Variants in CENPQ observed in about 807,000 individuals in gnomAD.
CENPQ encodes the protein chromosome 6 open reading frame 139.
CENPQ carries 27 observed loss-of-function variants against 36.6 expected under a neutral mutation model. That is an observed-to-expected ratio of 0.74 (90% CI 0.54 to 1.02). CENPQ has a LOEUF of 1.02. CENPQ is among the 50% of genes least tolerant of loss of function. CENPQ has a pLI of 0.00. For missense variants in CENPQ, 306 were observed against 301.8 expected (o/e 1.01, Z -0.10); for synonymous variants, 101 against 101.7 (o/e 0.99, Z 0.04).
intron 6 of CENPQ, among the ~76,000 whole-genome samples, chr6:49,485,732 A>G (rs940789870): frequency 6.6e-6 from 1 of 152,120 alleles, no homozygotes; most frequent in African/African-American, 2.4e-5. Flanking sequence ...AACAACAGAT[A>G]ATGCTTATGG....
intron 5 of CENPQ, among the ~76,000 whole-genome samples, chr6:49,475,732 G>A (rs1581848128): frequency 6.6e-6 from 1 of 152,174 alleles, no homozygotes; most frequent in Non-Finnish European, 1.5e-5. Flanking sequence ...AAAATCTCAG[G>A]ATACAAAATC....
intron 6 of CENPQ, among the ~76,000 whole-genome samples, chr6:49,482,685 G>A (rs1227894726): frequency 6.6e-6 from 1 of 152,044 alleles, no homozygotes; most frequent in African/African-American, 2.4e-5. Flanking sequence ...TCACCGCTCG[G>A]CGATTGTCTC....
At chr6:49,472,673 T>C in intron 4 of CENPQ, 117 bp from the exon 5 acceptor site, 1 of 707,640 alleles carries the variant, frequency 1.4e-6, no homozygotes, top group African/African-American at 1.8e-5. Flanking sequence ...GGAAAAGTGA[T>C]TGATTTTGCC....
chr6:49,465,246 C>T (rs1767973742), intron 1 of CENPQ, among the ~76,000 whole-genome samples: 1 of 152,170 alleles, frequency 6.6e-6, no homozygotes, highest in South Asian at 2.1e-4. Flanking sequence ...CAAAGATGGG[C>T]TTAAAATACT....
chr6:49,480,607 A>G (rs892121071), intron 5 of CENPQ, among the ~76,000 whole-genome samples: 4 of 150,620 alleles, frequency 2.7e-5, no homozygotes, highest in Admixed American at 1.3e-4. Flanking sequence ...TTCACAATGT[A>G]TAATAGACTC....
chr6:49,475,611 T>C (rs1217819788), intron 5 of CENPQ, among the ~76,000 whole-genome samples: 1 of 152,032 alleles, frequency 6.6e-6, no homozygotes, highest in Non-Finnish European at 1.5e-5. Flanking sequence ...GGGTATTCAA[T>C]TAGGAAAAGA....
intron 5 of CENPQ, among the ~76,000 whole-genome samples, chr6:49,475,322 C>T (rs540768013): frequency 4.7e-4 from 72 of 152,214 alleles, no homozygotes; most frequent in African/African-American, 1.7e-3. Flanking sequence ...AAAACAAAAA[C>T]CACATGATTA....
intron 6 of CENPQ, among the ~76,000 whole-genome samples, chr6:49,481,767 G>A (rs1162569841): frequency 6.6e-6 from 1 of 152,174 alleles, no homozygotes; most frequent in Non-Finnish European, 1.5e-5. Context: ...GCTTCACCCA[G>A]TGGAGCCCAC....
At chr6:49,477,455 A>C (rs1198639178) in intron 5 of CENPQ, among the ~76,000 whole-genome samples, 8 of 151,086 alleles carry the variant, frequency 5.3e-5, no homozygotes, top group Non-Finnish European at 1.0e-4. Flanking sequence ...GAATTAGGAG[A>C]TATACCTAAT....
chr6:49,467,097 C>G (rs375419237), intron 1 of CENPQ, among the ~76,000 whole-genome samples: 1 of 152,188 alleles, frequency 6.6e-6, no homozygotes, highest in Non-Finnish European at 1.5e-5. Context: ...GTCTCCACAA[C>G]AAAGAATGAT....
intron 8 of CENPQ, among the ~76,000 whole-genome samples, chr6:49,489,166 C>A (rs562805638): frequency 6.6e-6 from 1 of 152,186 alleles, no homozygotes; most frequent in Admixed American, 6.5e-5. Flanking sequence ...CACAGTAGAA[C>A]CTCCTTCAAA....
intron 1 of CENPQ, among the ~76,000 whole-genome samples, chr6:49,468,018 G>C (rs1426986420): frequency 1.3e-5 from 2 of 152,124 alleles, no homozygotes; most frequent in Non-Finnish European, 2.9e-5. Flanking sequence ...AGGTTGGTAA[G>C]GACTAAAAAT....
intron 6 of CENPQ, among the ~76,000 whole-genome samples, chr6:49,483,778 G>A (rs925390973): frequency 2.6e-5 from 4 of 152,214 alleles, no homozygotes; most frequent in East Asian, 1.9e-4. Flanking sequence ...GCGCAGCCCC[G>A]GTTCCCGCTC....
In CENPQ at chr6:49,492,974, G is replaced by T. The variant is rs980606921; in HGVS notation, c.*699G>T. 6.6e-6 allele frequency: 1 copy of T among 150,800 alleles called. No homozygotes were observed. The highest frequency in any genetic ancestry group is 1.5e-5 in the Non-Finnish European group (1 of 67,810). 9.3% of individuals were successfully genotyped at this position (150,800 alleles called of 1,614,324 possible). A position where few individuals can be genotyped will look rare whatever the true frequency, so the allele number is the denominator to read the frequency against. On this transcript the variant is annotated 3_prime_UTR_variant, in exon 9 of 9. Coordinates refer to ENST00000335783, the MANE Select transcript of CENPQ (RefSeq NM_018132.4). Reference sequence around the variant, plus strand: ...AAATATATAAACCTTTTCTTATTATGATAATAAGCTTATATATGTGAATAA... The same window carrying T: ...AAATATATAAACCTTTTCTTATTATTATAATAAGCTTATATATGTGAATAA...
chr6:49,473,388 A>G (rs1219803962), intron 5 of CENPQ, among the ~76,000 whole-genome samples: 2 of 152,150 alleles, frequency 1.3e-5, no homozygotes, highest in Non-Finnish European at 2.9e-5. Context: ...TTTCTCTAGT[A>G]TTTACACAAC....
chr6:49,473,021 C>T (rs1768182467), intron 5 of CENPQ, among the ~76,000 whole-genome samples, 163 bp downstream of exon 5: 1 of 150,812 alleles, frequency 6.6e-6, no homozygotes, highest in Non-Finnish European at 1.5e-5. Flanking sequence ...ACTGCTGCTC[C>T]ACATGTTTCT....
intron 6 of CENPQ, among the ~76,000 whole-genome samples, chr6:49,483,341 G>A (rs1428010032): frequency 5.3e-5 from 8 of 152,302 alleles, no homozygotes; most frequent in South Asian, 4.1e-4. Context: ...CCAGACTCAG[G>A]AGCCCAGCTG....
At position 49,470,277 on chromosome 6, in the gene CENPQ, AG is replaced by A. The variant is rs750859711; in HGVS notation, c.102+1del. ...GAGGAAGTTGTGTTGTCAGAGAATA[AG>A]GTAATGAAAATATCAAGTTTCTCAT... ...DNEEVVLSEN[K>X]VRNTVKKNKN... is the part of the protein sequence containing the mutation. On this transcript the variant is annotated frameshift_variant and splice_region_variant, in exon 2 of 9. Coordinates refer to ENST00000335783, the MANE Select transcript of CENPQ (RefSeq NM_018132.4). LOFTEE classifies it high-confidence loss of function. 3.2e-6 allele frequency: 5 copies of A among 1,550,664 alleles called. No individual in the cohort carries two copies. The highest frequency in any genetic ancestry group is 4.4e-6 in the Non-Finnish European group (5 of 1,126,758).
Position 49,481,079 on chromosome 6 carries a change from A to G in CENPQ, c.476A>G (p.Gln159Arg), listed in dbSNP as rs1470088884. 5 of 1,594,010 alleles carry G rather than the reference A, an allele frequency of 3.1e-6. No individual in the cohort carries two copies. In the South Asian group the frequency reaches 5.8e-5, roughly 18 times the overall value. The change falls in exon 6 of 9, where the codon CAG (glutamine) becomes CGG (arginine). Residue 159 changes from glutamine to arginine, a missense_variant and splice_region_variant. Physicochemically the swap from Gln to Arg is conservative, Grantham distance 43. Transcript: ENST00000335783. ...KANEEGLALLQEEIDKMVETT... is the reference protein window; with the variant it reads ...KANEEGLALLREEIDKMVETT... ...AATGAAGAAGGTCTGGCATTACTAC[A>G]GGTATGAAATTTGAATAGGGAATCC... is the stretch of plus-strand genomic sequence containing the variant.
Sources: gnomAD v4.1 joint callset for allele counts (sites outside exome capture counted in the v4.1 genomes callset) on GRCh38, gnomAD v4.1.1 for gene constraint, MANE v1.5 for transcripts, NCBI Gene and HGNC (gene_info 2026-07-23, HGNC 2026-07-21) for gene names.